ATM: variants seen among roughly 807,000 people sequenced by gnomAD.
ATM encodes the protein serine-protein kinase ATM.
In ATM, 308 loss-of-function variants were observed where a neutral mutation model predicts 387.0. The observed-to-expected ratio is 0.80, with a 90% confidence interval of 0.73 to 0.87. The LOEUF is 0.87. Among genes scored for constraint, ATM ranks in the 40% least tolerant of loss-of-function variants. The probability of loss-of-function intolerance (pLI) is 0.00; values close to 1 mark genes in which losing one functional copy is unlikely to be tolerated. For synonymous variants in ATM, 1,156 were observed against 1,187.3 expected (o/e 0.97, Z 0.54); for missense variants, 3,312 against 3,560.9 (o/e 0.93, Z 1.78).
chr11:108,315,650 GTGT>G (rs2084564089), intron 40 of ATM, among the ~76,000 whole-genome samples, 170 bp from the exon 41 acceptor site: 1 of 151,872 alleles, frequency 6.6e-6, no homozygotes, highest in Non-Finnish European at 1.5e-5. Flanking sequence ...GTTCAAACTC[GTGT>G]TGTTTGAACT....
In ATM at chr11:108,244,984, A is replaced by G; in HGVS notation, c.859A>G (p.Ile287Val). 6.2e-7 allele frequency: 1 copy of G among 1,612,336 alleles called. No homozygotes were observed. The highest frequency in any genetic ancestry group is 2.2e-5 in the East Asian group (1 of 44,802). ...EVIIELFQLQ[I>V]YIHHPKGAKT... Reference sequence around the variant, plus strand: ...CATTATTGAATTATTTCAACTGCAAATTTATATCCATCATCCGAAAGGAGC... The same window carrying G: ...CATTATTGAATTATTTCAACTGCAAGTTTATATCCATCATCCGAAAGGAGC... Residue 287 changes from isoleucine to valine, a missense_variant, in exon 7 of 63, where the codon ATT (isoleucine) becomes GTT (valine). Around this residue, in one of 4 missense-constraint regions of ATM, gnomAD observed 1,791 missense variants for 1,804.5 expected, o/e 0.99. Transcript: ENST00000675843.
chr11:108,290,375 C>T (rs1565457825), intron 29 of ATM: 4 of 151,750 alleles, frequency 2.6e-5, no homozygotes, highest in Admixed American at 6.6e-5. Context: ...CCTATAATCC[C>T]AGCACTTTGG....
intron 51 of ATM, 100 bp from the exon 52 acceptor site, chr11:108,331,779 T>G: frequency 7.0e-7 from 1 of 1,421,180 alleles, no homozygotes; most frequent in South Asian, 1.2e-5. Flanking sequence ...CCCACTGCAG[T>G]ATCTAGACAG....
intron 59 of ATM, among the ~76,000 whole-genome samples, chr11:108,353,291 G>A (rs2089431499): frequency 6.6e-6 from 1 of 151,938 alleles, no homozygotes. Context: ...TGGGATTATA[G>A]GCACCTGCTA....
chr11:108,349,216 A>AGTGCT (rs2088867861), intron 59 of ATM, among the ~76,000 whole-genome samples: 1 of 152,248 alleles, frequency 6.6e-6, no homozygotes, highest in Admixed American at 6.5e-5. Flanking sequence ...AGTATCTGAT[A>AGTGCT]CAGAAAGGTC....
Position 108,253,752 on chromosome 11 carries a change from A to G in ATM, c.1899-62A>G. 2.4e-6 allele frequency: 3 copies of G among 1,246,014 alleles called. No individual in the cohort carries two copies. In the South Asian group the frequency reaches 3.7e-5, roughly 15 times the overall value. The allele number at this position is 1,246,014 out of a possible 1,614,324, so 77.2% of individuals were successfully genotyped here. On this transcript the variant is annotated intron_variant, in intron 12 of 62. Coordinates refer to ENST00000675843, the MANE Select transcript of ATM (RefSeq NM_000051.4). ...TGTTTTCCTTTGTAATATATTGCTAATACATATAAGGCAAAGCATTAGGTA... is the reference window on the plus strand; with the variant it reads ...TGTTTTCCTTTGTAATATATTGCTAGTACATATAAGGCAAAGCATTAGGTA...
rs544058539 is a variant in ATM at position 108,329,526 on chromosome 11, C to T, written c.7307+288C>T. ...ACCTCCTGGACTCAATTGATTCTCC[C>T]CCTGAGCCCCCGAAATAGCTGGGGC... On this transcript the variant is annotated intron_variant, in intron 49 of 62. Coordinates refer to ENST00000675843, the MANE Select transcript of ATM (RefSeq NM_000051.4). Among the ~76,000 whole-genome samples, 193 of 152,164 alleles carry T rather than the reference C, an allele frequency of 1.3e-3. 4 individuals carry two copies. In the South Asian group the frequency reaches 0.039, roughly 30 times the overall value.
rs1246816005 is a variant in ATM at position 108,272,817 on chromosome 11, C to G, written c.3249C>G (p.His1083Gln). The G allele has an allele frequency of 1.9e-6, 3 of 1,614,034 alleles. No individual in the cohort carries two copies. The highest frequency in any genetic ancestry group is 2.5e-6 in the Non-Finnish European group (3 of 1,179,974). The change falls in exon 22 of 63, where the codon CAC becomes CAG. Residue 1083 changes from histidine (H) to glutamine (Q), a missense_variant. Physicochemically the swap from His to Gln is conservative, Grantham distance 24. Transcript: ENST00000675843. Reference sequence around the variant, plus strand: ...CACAATTTCTTGCTGACAATCATCACCAAGTTCGCATGTTGGCTGCAGAGT... The same window carrying G: ...CACAATTTCTTGCTGACAATCATCAGCAAGTTCGCATGTTGGCTGCAGAGT... The part of the protein sequence containing the change: ...VFTQFLADNH[H>Q]QVRMLAAESI...
intron 46 of ATM, among the ~76,000 whole-genome samples, 186 bp downstream of exon 46, chr11:108,325,730 G>C (rs758730509): frequency 2.0e-5 from 3 of 152,094 alleles, no homozygotes; most frequent in Non-Finnish European, 4.4e-5. Context: ...TTGGGCAAGG[G>C]TACTTAATCT....
In ATM at chr11:108,325,478, T is replaced by G. The variant is rs876658607; in HGVS notation, c.6741T>G (p.Ile2247Met). Residue 2247 changes from isoleucine (I) to methionine (M), a missense_variant, in exon 46 of 63, where the codon ATT becomes ATG. Coordinates refer to ENST00000675843, the MANE Select transcript of ATM (RefSeq NM_000051.4). ...TGGACAACTCACAAAGAGAATGTAT[T>G]AAGGACATTCTCACCAAACACCTTG... Reference protein sequence around the residue: ...KEMDNSQRECIKDILTKHLVE... With the variant: ...KEMDNSQRECMKDILTKHLVE... The G allele has an allele frequency of 5.6e-6, 9 of 1,613,590 alleles. No homozygotes were observed. Among genetic ancestry groups the G allele is most frequent in the South Asian group, 3.3e-5 (3 of 91,078 alleles).
chr11:108,284,513 G>A lies in ATM; in HGVS notation c.3993+40G>A, dbSNP rs3218709. The A allele has an allele frequency of 8.6e-3, 13,817 of 1,608,016 alleles. 96 individuals are homozygous for A. The highest frequency in any genetic ancestry group is 9.3e-3 in the Non-Finnish European group (10,926 of 1,175,218). On this transcript the variant is annotated intron_variant, in intron 26 of 62. Transcript: ENST00000675843. ...TTTATGTACTTTTCATTCCCTGAATGATATGAGATATAACCTTTAAGTTTT... is the reference window on the plus strand; with the variant it reads ...TTTATGTACTTTTCATTCCCTGAATAATATGAGATATAACCTTTAAGTTTT...
At chr11:108,320,354 GGCATTTA>G (rs1282932465) in intron 44 of ATM, among the ~76,000 whole-genome samples, 1 of 152,098 alleles carries the variant, frequency 6.6e-6, no homozygotes, top group Admixed American at 6.5e-5. Flanking sequence ...GTAATTGTAT[GGCATTTA>G]GTGTTCTAAT....
In ATM at chr11:108,329,067, T is replaced by C; in HGVS notation, c.7136T>C (p.Leu2379Pro). 1 of 1,614,100 alleles carries C rather than the reference T, an allele frequency of 6.2e-7. No homozygotes were observed. The highest frequency in any genetic ancestry group is 8.5e-7 in the Non-Finnish European group (1 of 1,179,998). Residue 2379 changes from leucine to proline, a missense_variant, in exon 49 of 63, where the codon CTA becomes CCA. Physicochemically the swap from Leu to Pro is moderately conservative, Grantham distance 98 (BLOSUM62 -3). Around this residue, in one of 4 missense-constraint regions of ATM, gnomAD observed 1,405 missense variants for 1,604.4 expected, o/e 0.88. Coordinates refer to ENST00000675843, the MANE Select transcript of ATM (RefSeq NM_000051.4). ...TATGATGGAGAAAGTAGTGATGAGC[T>C]AAGAAATGGAAAAATGAAGGCATTT... is the stretch of plus-strand genomic sequence containing the variant. ...GNYDGESSDE[L>P]RNGKMKAFLS...
chr11:108,293,276 C>T (rs2135808536), intron 30 of ATM, 37 bp from the exon 31 acceptor site: 1 of 1,263,838 alleles, frequency 7.9e-7, no homozygotes, highest in Non-Finnish European at 1.1e-6. Flanking sequence ...AAAATTATTT[C>T]TCTCCTTATA....
intron 38 of ATM, 113 bp from the exon 39 acceptor site, chr11:108,310,047 A>G: frequency 8.7e-7 from 1 of 1,148,016 alleles, no homozygotes; most frequent in Non-Finnish European, 1.2e-6. Flanking sequence ...GGTTTTTGGG[A>G]ATTTGTAATT....
intron 22 of ATM, among the ~76,000 whole-genome samples, chr11:108,274,060 G>T (rs1469535063): frequency 6.6e-6 from 1 of 152,106 alleles, no homozygotes; most frequent in Non-Finnish European, 1.5e-5. Flanking sequence ...ACTTGTTATT[G>T]GTCTATTCAG....
chr11:108,232,849 T>G (rs1186055685), intron 4 of ATM, among the ~76,000 whole-genome samples: 1 of 151,244 alleles, frequency 6.6e-6, no homozygotes, highest in Non-Finnish European at 1.5e-5. Context: ...ACACCCAGCC[T>G]ACTGTTCATT....
chr11:108,327,841 A>G, intron 48 of ATM, 83 bp downstream of exon 48: 6 of 1,057,116 alleles, frequency 5.7e-6, no homozygotes, highest in Middle Eastern at 4.0e-4. Flanking sequence ...ATATTTCCAA[A>G]GCAAATAAAA....
intron 5 of ATM, among the ~76,000 whole-genome samples, chr11:108,243,168 G>A (rs932601890): frequency 1.3e-5 from 2 of 152,012 alleles, no homozygotes; most frequent in African/African-American, 4.8e-5. Flanking sequence ...ACAGTGAGCC[G>A]TGATCTTACC....
Sources: gnomAD v4.1 joint callset for allele counts (sites outside exome capture counted in the v4.1 genomes callset) on GRCh38, gnomAD v4.1.1 for gene constraint, gnomAD v4.1.1 regional missense constraint, MANE v1.5 for transcripts, NCBI Gene and HGNC (gene_info 2026-07-23, HGNC 2026-07-21) for gene names.